RHBDD2: variants seen among roughly 807,000 people sequenced by gnomAD.
RHBDD2 encodes rhomboid domain-containing protein 2.
Under a neutral mutation model 21.7 loss-of-function variants are expected in RHBDD2, and 13 were observed. That is an observed-to-expected ratio of 0.60 (90% CI 0.39 to 0.95). RHBDD2 has a LOEUF of 0.95. RHBDD2 is among the 40% of genes least tolerant of loss of function. The probability of loss-of-function intolerance (pLI) is 0.00; values close to 1 mark genes in which losing one functional copy is unlikely to be tolerated. For synonymous variants in RHBDD2, 225 were observed against 220.0 expected (o/e 1.02, Z -0.20); for missense variants, 473 against 478.9 (o/e 0.99, Z 0.11).
At chr7:75,887,956 C>T (rs782739985) in intron 3 of RHBDD2, 36 bp from the exon 4 acceptor site, 29 of 1,565,012 alleles carry the variant, frequency 1.9e-5, no homozygotes, top group Admixed American at 5.1e-5. Flanking sequence ...TGCCAAGACT[C>T]GCTGAAGGAC....
intron 3 of RHBDD2, among the ~76,000 whole-genome samples, chr7:75,887,564 T>G (rs1805755198): frequency 6.6e-6 from 1 of 151,970 alleles, no homozygotes. Context: ...CCTCAGATGA[T>G]CCACCCGCCT....
At chr7:75,881,220 A>T (rs563064396) in intron 1 of RHBDD2, 3 of 607,494 alleles carry the variant, frequency 4.9e-6, no homozygotes, top group East Asian at 6.7e-5. Context: ...GTCTTATTAC[A>T]TATAAAGCAT....
At chr7:75,887,299 G>A (rs1401010035) in intron 3 of RHBDD2, among the ~76,000 whole-genome samples, 1 of 147,352 alleles carries the variant, frequency 6.8e-6, no homozygotes, top group Non-Finnish European at 1.5e-5. Flanking sequence ...CACCAGACCT[G>A]GCTAATTAAA....
rs371126367 is a variant in RHBDD2, at chr7:75,888,019, C to T, written c.765C>T (p.Pro255=). The T allele has an allele frequency of 1.2e-4, 196 of 1,613,300 alleles. 1 individual carries two copies. The African/African-American group carries it at 2.4e-3, about 20-fold the overall frequency. ...TGAACCCGGTGCCTGGCTCCTACCCCACACAGAGCTGCCACCCTCACCTGT... is the reference window on the plus strand; with the variant it reads ...TGAACCCGGTGCCTGGCTCCTACCCTACACAGAGCTGCCACCCTCACCTGT... ...RKLNPVPGSY[P]TQSCHPHLSP... The change falls in exon 4 of 4, where the codon CCC becomes CCT. Residue 255 remains proline, a synonymous_variant. Coordinates refer to ENST00000006777, the MANE Select transcript of RHBDD2 (RefSeq NM_001040456.3).
At position 75,888,203 on chromosome 7, in the gene RHBDD2, T is replaced by A. The variant is rs955861353; in HGVS notation, c.949T>A (p.Ser317Thr). The A allele has an allele frequency of 1.2e-6, 2 of 1,613,338 alleles. No homozygotes were observed. Among genetic ancestry groups the A allele is most frequent in the African/African-American group, 2.7e-5 (2 of 74,788 alleles). ...QNHFGPNPTS[S>T]SVYPASAGTS... ...CCACTTTGGTCCAAACCCCACCTCC[T>A]CCAGTGTCTACCCAGCTTCTGCGGG... The change falls in exon 4 of 4, where the codon TCC becomes ACC. Residue 317 changes from serine (S) to threonine (T), a missense_variant. By Grantham distance (58) the Ser-to-Thr change is moderately conservative. Coordinates refer to ENST00000006777, the MANE Select transcript of RHBDD2 (RefSeq NM_001040456.3).
Position 75,888,219 on chromosome 7 carries a change from C to A in RHBDD2, c.965C>A (p.Ala322Asp), listed in dbSNP as rs1189880464. The A allele has an allele frequency of 1.3e-5, 21 of 1,613,696 alleles. No individual in the cohort carries two copies. The highest frequency in any genetic ancestry group is 1.8e-5 in the Non-Finnish European group (21 of 1,180,028). ...CCCACCTCCTCCAGTGTCTACCCAG[C>A]TTCTGCGGGCACCTCCCTGGGCATC... ...PNPTSSSVYP[A>D]SAGTSLGIQP... The change falls in exon 4 of 4, where the codon GCT becomes GAT. Residue 322 changes from alanine (A) to aspartate (D), a missense_variant. Transcript: ENST00000006777.
intron 3 of RHBDD2, among the ~76,000 whole-genome samples, chr7:75,886,186 A>T (rs1219942795): frequency 3.3e-5 from 5 of 152,204 alleles, no homozygotes; most frequent in African/African-American, 1.2e-4. Context: ...TTTGTTGAAT[A>T]GGAAGCTGCC....
At chr7:75,879,305 C>A in intron 1 of RHBDD2, 45 bp downstream of exon 1, 1 of 1,412,928 alleles carries the variant, frequency 7.1e-7, no homozygotes. Context: ...CCTTGTCCTC[C>A]GACTTTGCCG....
Position 75,879,209 on chromosome 7 carries a change from C to T in RHBDD2, c.127C>T (p.Leu43=). Residue 43 remains leucine (L), a synonymous_variant, in exon 1 of 4, where the codon CTG becomes TTG. Transcript: ENST00000006777. ...TCGCCTGTTCCTGCTGCAGCAGCCCCTGGCGCCCTCGGGCCTCACGCTGAA... is the reference window on the plus strand; with the variant it reads ...TCGCCTGTTCCTGCTGCAGCAGCCCTTGGCGCCCTCGGGCCTCACGCTGAA... ...GPRLFLLQQP[L]APSGLTLKSE... The T allele has an allele frequency of 4.6e-6, 7 of 1,522,738 alleles. No homozygotes were observed. The South Asian group carries it at 8.5e-5, about 18-fold the overall frequency. The allele number at this position is 1,522,738 out of a possible 1,614,324, so 94.3% of individuals were successfully genotyped here.
rs202181432 is a variant in RHBDD2 at position 75,888,091 on chromosome 7, G to A, written c.837G>A (p.Lys279=). Residue 279 remains lysine (K), a synonymous_variant, in exon 4 of 4, where the codon AAG becomes AAA. Coordinates refer to ENST00000006777, the MANE Select transcript of RHBDD2 (RefSeq NM_001040456.3). ...AGACGCAGCACGCCAGTGGTCAGAA[G>A]CTGGCCTCCTGGCCCTCCTGCACCC... ...VSQTQHASGQ[K]LASWPSCTPG... 26 of 1,613,810 alleles carry A rather than the reference G, an allele frequency of 1.6e-5. No homozygotes were observed. The African/African-American group carries it at 3.3e-4, about 21-fold the overall frequency.
rs1554542793 is a variant in RHBDD2 at position 75,882,243 on chromosome 7, T to C, written c.586+7T>C. On this transcript the variant is annotated splice_region_variant and intron_variant, in intron 2 of 3. Coordinates refer to ENST00000006777, the MANE Select transcript of RHBDD2 (RefSeq NM_001040456.3). ...CTGTCCATCGGGCTGGCCTGTATCC[T>C]TCCTAGCAGAGAGCTATAGAACAAC... 1.2e-6 allele frequency: 2 copies of C among 1,600,886 alleles called. No individual in the cohort carries two copies. The highest frequency in any genetic ancestry group is 2.2e-5 in the South Asian group (2 of 89,258).
Position 75,888,780 on chromosome 7 carries a change from G to A in RHBDD2, c.*431G>A, listed in dbSNP as rs570267468. 48 of 196,392 alleles carry A rather than the reference G, an allele frequency of 2.4e-4. No homozygotes were observed. The highest frequency in any genetic ancestry group is 2.4e-3 in the South Asian group (23 of 9,748). The allele number at this position is 196,392 out of a possible 1,614,324, so 12.2% of individuals were successfully genotyped here. On this transcript the variant is annotated 3_prime_UTR_variant, in exon 4 of 4. Coordinates refer to ENST00000006777, the MANE Select transcript of RHBDD2 (RefSeq NM_001040456.3). ...CAGCTGGTGTGCTTGGCGGTCCCAG[G>A]CCTGTGTAGTGTCTCTCCCCTGCTG...
chr7:75,881,615 G>A (rs1302176959), intron 1 of RHBDD2: 4 of 1,060,940 alleles, frequency 3.8e-6, no homozygotes, highest in Non-Finnish European at 5.3e-6. Context: ...ACCAGGCCTG[G>A]GGAAGTGTAG....
intron 3 of RHBDD2, among the ~76,000 whole-genome samples, chr7:75,886,606 A>C (rs1204881294): frequency 6.6e-6 from 1 of 152,066 alleles, no homozygotes; most frequent in East Asian, 1.9e-4. Context: ...CGAGATCAGG[A>C]GATCGAGACC....
chr7:75,882,084 T>C lies in RHBDD2; in HGVS notation c.434T>C (p.Val145Ala), dbSNP rs1554542692. Residue 145 changes from valine (V) to alanine (A), a missense_variant, in exon 2 of 4, where the codon GTC becomes GCC. By Grantham distance (64) the Val-to-Ala change is moderately conservative (BLOSUM62 0). Transcript: ENST00000006777. The stretch of plus-strand genomic sequence containing the variant: ...CCAGTGGCCTTTGCCATGCTGGGAG[T>C]CACCACCGTCCGTTCTCGGATGAGG... Reference protein sequence around the residue: ...FTPVAFAMLGVTTVRSRMRRA... With the variant: ...FTPVAFAMLGATTVRSRMRRA... The C allele has an allele frequency of 6.2e-7, 1 of 1,614,038 alleles. No individual in the cohort carries two copies. The highest frequency in any genetic ancestry group is 1.3e-5 in the African/African-American group (1 of 74,984).
chr7:75,881,367 A>T (rs782188300), intron 1 of RHBDD2: 1 of 1,291,562 alleles, frequency 7.7e-7, no homozygotes, highest in East Asian at 5.5e-5. Context: ...CTGAACAGCC[A>T]CTATGGAAGG....
Position 75,881,328 on chromosome 7 carries a change from A to G in RHBDD2, c.179-501A>G, listed in dbSNP as rs782544843. The stretch of plus-strand genomic sequence containing the variant: ...TAGTGTTATAATTCTTACAGCTGCA[A>G]AATAATTCATGGTCCCTTTTTTCTT... On this transcript the variant is annotated intron_variant, in intron 1 of 3. Coordinates refer to ENST00000006777, the MANE Select transcript of RHBDD2 (RefSeq NM_001040456.3). The G allele has an allele frequency of 2.7e-5, 35 of 1,288,628 alleles. No homozygotes were observed. In the Middle Eastern group the frequency reaches 6.4e-4, roughly 23 times the overall value. The allele number at this position is 1,288,628 out of a possible 1,614,324, so 79.8% of individuals were successfully genotyped here. A position where few individuals can be genotyped will look rare whatever the true frequency, so the allele number is the denominator to read the frequency against.
chr7:75,887,714 G>A (rs572712784), intron 3 of RHBDD2, among the ~76,000 whole-genome samples: 1 of 152,110 alleles, frequency 6.6e-6, no homozygotes, highest in Non-Finnish European at 1.5e-5. Flanking sequence ...TGGTTTAGAA[G>A]CTGCTGTGAG....
At position 75,879,727 on chromosome 7, in the gene RHBDD2, G is replaced by T. The variant is rs77661180; in HGVS notation, c.178+467G>T. 3.1e-3 allele frequency among the ~76,000 whole-genome samples: 472 copies of T among 152,192 alleles called. 1 individual carries two copies. The highest frequency in any genetic ancestry group is 0.01 in the African/African-American group (428 of 41,508). On this transcript the variant is annotated intron_variant, in intron 1 of 3. Coordinates refer to ENST00000006777, the MANE Select transcript of RHBDD2 (RefSeq NM_001040456.3). ...ACAAACCCCTATAAGCCCTATAAAC[G>T]TCCTGCCCTCTTGAGATTTGGAATT...
Sources: gnomAD v4.1 joint callset for allele counts (sites outside exome capture counted in the v4.1 genomes callset) on GRCh38, gnomAD v4.1.1 for gene constraint, MANE v1.5 for transcripts, NCBI Gene and HGNC (gene_info 2026-07-23, HGNC 2026-07-21) for gene names.